HYAL4: variants seen among roughly 807,000 people sequenced by gnomAD.
The protein encoded by HYAL4 is hyaluronidase 4.
HYAL4 carries 37 observed loss-of-function variants against 35.2 expected under a neutral mutation model. That is an observed-to-expected ratio of 1.05 (90% confidence interval 0.81 to 1.38). The LOEUF (loss-of-function observed/expected upper bound fraction) is 1.38, where lower values mean the gene tolerates loss of function less well. HYAL4 is among the 40% of genes most tolerant of loss of function. The pLI is 0.00. For synonymous variants in HYAL4, 198 were observed against 203.2 expected (o/e 0.97, Z 0.22); for missense variants, 572 against 572.4 (o/e 1.00, Z 0.01).
the HYAL4 span, among the ~76,000 whole-genome samples, chr7:123,796,838 GT>G: frequency 6.6e-6 from 1 of 152,192 alleles, no homozygotes; most frequent in Non-Finnish European, 1.5e-5. Context: ...AAAGAAGCCA[GT>G]CAGAAAAGAC....
chr7:123,842,913 C>T (rs190879923), upstream of HYAL4, among the ~76,000 whole-genome samples: 1,141 of 151,944 alleles, frequency 7.5e-3, 67 homozygotes, highest in Admixed American at 0.069. Context: ...AGATGGGTCT[C>T]CTGAATACAG....
the HYAL4 span, among the ~76,000 whole-genome samples, chr7:123,819,742 G>T: frequency 6.6e-6 from 1 of 151,948 alleles, no homozygotes; most frequent in African/African-American, 2.4e-5. Flanking sequence ...TAAAAAATTA[G>T]ACTAAAATAA....
At chr7:123,778,831 A>G in the HYAL4 span, among the ~76,000 whole-genome samples, 3 of 152,182 alleles carry the variant, frequency 2.0e-5, no homozygotes, top group East Asian at 3.8e-4. Flanking sequence ...ATTTTTACCT[A>G]AATTTTTAGC....
At chr7:123,769,363 A>T in the HYAL4 span, among the ~76,000 whole-genome samples, 1 of 152,162 alleles carries the variant, frequency 6.6e-6, no homozygotes, top group African/African-American at 2.4e-5. Context: ...TGTTTATGGG[A>T]CCTGTACCTG....
the HYAL4 span, among the ~76,000 whole-genome samples, chr7:123,776,352 T>A: frequency 6.6e-6 from 1 of 152,190 alleles, no homozygotes. Flanking sequence ...GTCTCTTTCT[T>A]GATCTTGTAT....
chr7:123,822,398 T>A, the HYAL4 span, among the ~76,000 whole-genome samples: 16 of 152,298 alleles, frequency 1.1e-4, no homozygotes, highest in African/African-American at 3.6e-4. Flanking sequence ...TTATTTTTAA[T>A]GGTATTGTAA....
At chr7:123,811,846 T>G in the HYAL4 span, among the ~76,000 whole-genome samples, 1 of 152,066 alleles carries the variant, frequency 6.6e-6, no homozygotes, top group East Asian at 1.9e-4. Flanking sequence ...TTGTTGTTGT[T>G]GTTGTTGTTG....
chr7:123,831,744 G>C (rs1256605885), intron 1 of HYAL4, among the ~76,000 whole-genome samples: 1 of 152,076 alleles, frequency 6.6e-6, no homozygotes, highest in Non-Finnish European at 1.5e-5. Context: ...CGTTTGTTGG[G>C]CATATTTACT....
the HYAL4 span, among the ~76,000 whole-genome samples, chr7:123,781,985 C>T: frequency 1.4e-3 from 208 of 152,204 alleles, 1 homozygote; most frequent in African/African-American, 4.7e-3. Flanking sequence ...TGGCTCACTG[C>T]AGCCTTGGAC....
chr7:123,814,588 A>G, the HYAL4 span: 1 of 152,610 alleles, frequency 6.6e-6, no homozygotes, highest in South Asian at 2.1e-4. Context: ...GCAGAATAAT[A>G]TATAAAAACC....
intron 4 of HYAL4, among the ~76,000 whole-genome samples, chr7:123,875,745 C>T (rs1200238257): frequency 6.6e-6 from 1 of 151,438 alleles, no homozygotes; most frequent in African/African-American, 2.4e-5. Context: ...GGAAAGATTC[C>T]TAGTTTTCCC....
the HYAL4 span, among the ~76,000 whole-genome samples, chr7:123,796,372 G>A: frequency 3.0e-4 from 46 of 152,254 alleles, no homozygotes; most frequent in African/African-American, 9.9e-4. Context: ...AAACATTTAC[G>A]TGGTGTTTAT....
chr7:123,778,052 G>A, the HYAL4 span, among the ~76,000 whole-genome samples: 1 of 151,816 alleles, frequency 6.6e-6, no homozygotes, highest in Admixed American at 6.6e-5. Context: ...TAGAAGGCTT[G>A]TAAGAACAGC....
chr7:123,828,759 C>T (rs956622995), upstream of HYAL4, among the ~76,000 whole-genome samples: 1 of 152,150 alleles, frequency 6.6e-6, no homozygotes, highest in African/African-American at 2.4e-5. Context: ...TTGGTTGGGT[C>T]ATAGTCTTCC....
At chr7:123,805,682 A>G in the HYAL4 span, among the ~76,000 whole-genome samples, 1 of 152,218 alleles carries the variant, frequency 6.6e-6, no homozygotes, top group African/African-American at 2.4e-5. Context: ...AAGATACAAA[A>G]TGAAAATAAG....
chr7:123,844,370 A>G (rs971915142), upstream of HYAL4: 1 of 150,972 alleles, frequency 6.6e-6, no homozygotes, highest in African/African-American at 2.4e-5. Context: ...ATTGCTGAAC[A>G]ACAAATATTG....
the HYAL4 span, among the ~76,000 whole-genome samples, chr7:123,811,774 C>T: frequency 6.6e-6 from 1 of 151,948 alleles, no homozygotes; most frequent in African/African-American, 2.4e-5. Flanking sequence ...TAAATTTTCT[C>T]CTATATTATT....
intron 2 of HYAL4, among the ~76,000 whole-genome samples, chr7:123,867,127 G>C (rs960971712): frequency 6.6e-6 from 1 of 152,104 alleles, no homozygotes; most frequent in Admixed American, 6.5e-5. Flanking sequence ...GAGACATTCT[G>C]TTACACCAGG....
chr7:123,778,596 G>T, the HYAL4 span, among the ~76,000 whole-genome samples: 1 of 151,662 alleles, frequency 6.6e-6, no homozygotes, highest in Admixed American at 6.6e-5. Flanking sequence ...CTAGTGATGA[G>T]ATGCAGGTTA....
Sources: gnomAD v4.1 joint callset for allele counts (sites outside exome capture counted in the v4.1 genomes callset) on GRCh38, gnomAD v4.1.1 for gene constraint, MANE v1.5 for transcripts, NCBI Gene and HGNC (gene_info 2026-07-23, HGNC 2026-07-21) for gene names.